CCDC30: variants seen among roughly 807,000 people sequenced by gnomAD.
CCDC30 encodes coiled-coil domain-containing protein 30.
In CCDC30, 70 loss-of-function variants were observed where a neutral mutation model predicts 100.2. The ratio of observed to expected loss-of-function variants is 0.70; its 90% confidence interval spans 0.58 to 0.85. The LOEUF (loss-of-function observed/expected upper bound fraction) is 0.85. Among genes scored for constraint, CCDC30 ranks in the 40% least tolerant of loss-of-function variants. The pLI is 0.00. For synonymous variants in CCDC30, 233 were observed against 269.5 expected, an observed-to-expected ratio of 0.86 and a Z score of 1.33; for missense variants, 652 against 771.2, an observed-to-expected ratio of 0.85 and a Z score of 1.83.
intron 6 of CCDC30, among the ~76,000 whole-genome samples, chr1:42,520,348 T>G (rs866720988): frequency 6.6e-6 from 1 of 151,988 alleles, no homozygotes; most frequent in Middle Eastern, 3.4e-3. Flanking sequence ...TTTTTTTTTT[T>G]TGAGACAGAG....
At chr1:42,457,256 C>T in the CCDC30 span, 1 of 1,613,928 alleles carries the variant, frequency 6.2e-7, no homozygotes, top group Non-Finnish European at 8.5e-7. Context: ...GGCCCTTCTG[C>T]GATGTTTTAC....
chr1:42,634,265 A>AC (rs1243210676), intron 11 of CCDC30, among the ~76,000 whole-genome samples: 60 of 150,626 alleles, frequency 4.0e-4, no homozygotes, highest in Middle Eastern at 3.4e-3. Context: ...AAAAAAAAAA[A>AC]AAAAAAAAAC....
intron 11 of CCDC30, among the ~76,000 whole-genome samples, chr1:42,617,308 T>G (rs77373270): frequency 0.19 from 28,811 of 152,064 alleles, 3,487 homozygotes; most frequent in Non-Finnish European, 0.25. Flanking sequence ...ATAAATTAAT[T>G]TTTTTAATTA....
intron 6 of CCDC30, among the ~76,000 whole-genome samples, chr1:42,559,833 T>C (rs1645449835): frequency 6.6e-6 from 1 of 152,140 alleles, no homozygotes. Flanking sequence ...ATCAACAGAA[T>C]ATACATTCTT....
chr1:42,479,352 G>A (rs530299097), intron 1 of CCDC30, among the ~76,000 whole-genome samples: 1 of 152,096 alleles, frequency 6.6e-6, no homozygotes, highest in Admixed American at 6.6e-5. Flanking sequence ...TTCCAGCCTG[G>A]GCGAAAGAGT....
intron 7 of CCDC30, among the ~76,000 whole-genome samples, chr1:42,570,277 G>C (rs1472909146): frequency 1.3e-5 from 2 of 151,502 alleles, no homozygotes; most frequent in African/African-American, 4.9e-5. Context: ...AGTGAGCTAT[G>C]ATCACACCAC....
chr1:42,582,521 G>A, intron 9 of CCDC30, among the ~76,000 whole-genome samples: 1 of 152,156 alleles, frequency 6.6e-6, no homozygotes, highest in East Asian at 1.9e-4. Flanking sequence ...TTTGATAAGG[G>A]GAATGAGCAG....
intron 3 of CCDC30, among the ~76,000 whole-genome samples, chr1:42,487,192 A>AT: frequency 6.6e-6 from 1 of 151,964 alleles, no homozygotes; most frequent in Admixed American, 6.6e-5. Context: ...GACTAAGTGC[A>AT]TATGATTTTC....
Position 42,589,317 on chromosome 1 carries a change from T to G in CCDC30, c.1002-4T>G. ...GTGATTTAATCTACATTAATTGCCCTCAGGAAACTTCTATATCAGAACGTA... is the reference window on the plus strand; with the variant it reads ...GTGATTTAATCTACATTAATTGCCCGCAGGAAACTTCTATATCAGAACGTA... On this transcript the variant is annotated splice_polypyrimidine_tract_variant and splice_region_variant and intron_variant, in intron 9 of 16. Transcript: ENST00000668663. 1 of 1,581,524 alleles carries G rather than the reference T, an allele frequency of 6.3e-7. No homozygotes were observed. Among genetic ancestry groups the G allele is most frequent in the Non-Finnish European group, 8.6e-7 (1 of 1,165,996 alleles).
intron 6 of CCDC30, among the ~76,000 whole-genome samples, chr1:42,521,988 G>T (rs1644655390): frequency 6.6e-6 from 1 of 151,864 alleles, no homozygotes; most frequent in Non-Finnish European, 1.5e-5. Context: ...ATCATAAGGG[G>T]ATTTATTCCA....
chr1:42,462,578 C>T (rs145322431), upstream of CCDC30, among the ~76,000 whole-genome samples: 39 of 152,176 alleles, frequency 2.6e-4, no homozygotes, highest in African/African-American at 8.4e-4. Flanking sequence ...GTTTGGGATA[C>T]CAGCAAAGCA....
chr1:42,596,649 A>G lies in CCDC30; in HGVS notation c.1164+7166A>G, dbSNP rs1646293502. Among the ~76,000 whole-genome samples the G allele has an allele frequency of 1.3e-5, 2 of 152,016 alleles. No homozygotes were observed. Among genetic ancestry groups the G allele is most frequent in the South Asian group, 4.2e-4 (2 of 4,818 alleles). ...CACCCCAACACTTCACCACCACATC[A>G]CTAACGGCCCATTTAACAGCAGTTT... is the stretch of plus-strand genomic sequence containing the variant. On this transcript the variant is annotated intron_variant, in intron 10 of 16. Coordinates refer to ENST00000668663, the Ensembl canonical transcript of CCDC30. This position sits in a 1 kb window ranked among gnomAD's most constrained non-coding sequence, Gnocchi z 4.3.
At chr1:42,549,176 T>C (rs1645200851) in intron 6 of CCDC30, among the ~76,000 whole-genome samples, 1 of 152,148 alleles carries the variant, frequency 6.6e-6, no homozygotes, top group South Asian at 2.1e-4. Context: ...AGCCCTCCAT[T>C]CCCATTTCAC....
intron 6 of CCDC30, among the ~76,000 whole-genome samples, chr1:42,512,406 G>C (rs374997811): frequency 6.6e-6 from 1 of 152,200 alleles, no homozygotes; most frequent in Admixed American, 6.5e-5. Flanking sequence ...GAAATGCCAT[G>C]TGCTCTCCAG....
At chr1:42,601,986 A>G (rs1266567315) in intron 10 of CCDC30, among the ~76,000 whole-genome samples, 1 of 152,202 alleles carries the variant, frequency 6.6e-6, no homozygotes, top group Admixed American at 6.5e-5. Flanking sequence ...ATATATTGAA[A>G]ATTTTTTAAA....
chr1:42,642,016 G>A (rs1647456010), intron 12 of CCDC30, among the ~76,000 whole-genome samples: 1 of 152,264 alleles, frequency 6.6e-6, no homozygotes, highest in East Asian at 1.9e-4. Flanking sequence ...ACAAGGTCAG[G>A]AGATCGAGAC....
chr1:42,504,537 T>C (rs928651), intron 6 of CCDC30, among the ~76,000 whole-genome samples: 58,703 of 152,104 alleles, frequency 0.39, 11,806 homozygotes, highest in East Asian at 0.59. Flanking sequence ...GATTGCTATC[T>C]GCCATTCCAA....
intron 6 of CCDC30, among the ~76,000 whole-genome samples, chr1:42,518,391 T>C (rs1644586906): frequency 6.6e-6 from 1 of 152,204 alleles, no homozygotes. Context: ...ATTTATGAGA[T>C]CATATAATCT....
intron 11 of CCDC30, among the ~76,000 whole-genome samples, chr1:42,630,945 G>A (rs1647027132): frequency 6.6e-6 from 1 of 152,112 alleles, no homozygotes; most frequent in South Asian, 2.1e-4. Flanking sequence ...TCACATATCT[G>A]TTTCTCCAGG....
Sources: gnomAD v4.1 joint callset for allele counts (sites outside exome capture counted in the v4.1 genomes callset) on GRCh38, gnomAD v4.1.1 for gene constraint, Gnocchi (gnomAD v3.1) non-coding constraint, MANE v1.5 for transcripts, NCBI Gene and HGNC (gene_info 2026-07-23, HGNC 2026-07-21) for gene names.